SORT1: variants seen among roughly 807,000 people sequenced by gnomAD.
The protein encoded by SORT1 is sortilin 1.
A neutral mutation model predicts 101.7 loss-of-function variants in SORT1; 39 were observed. That is an observed-to-expected ratio of 0.38 (90% CI 0.30 to 0.50). SORT1 has a LOEUF of 0.50. Among genes scored for constraint, SORT1 ranks in the 20% least tolerant of loss-of-function variants. The pLI is 0.90. For missense variants in SORT1, 878 were observed against 1,040.4 expected (o/e 0.84, Z 2.15); for synonymous variants, 396 against 393.7 (o/e 1.01, Z -0.07).
At chr1:109,355,955 T>A (rs1010539029) in intron 3 of SORT1, among the ~76,000 whole-genome samples, 6 of 151,896 alleles carry the variant, frequency 4.0e-5, no homozygotes, top group Non-Finnish European at 2.9e-5. Context: ...AGCTCAGTGG[T>A]GCAATTCCCA....
chr1:109,357,622 G>A (rs1418490456), intron 3 of SORT1, among the ~76,000 whole-genome samples: 1 of 152,102 alleles, frequency 6.6e-6, no homozygotes, highest in Non-Finnish European at 1.5e-5. Flanking sequence ...TCTTGCTGGG[G>A]GCTTATGACC....
At chr1:109,328,444 T>C (rs1005103469) in intron 11 of SORT1, among the ~76,000 whole-genome samples, 24 of 152,238 alleles carry the variant, frequency 1.6e-4, no homozygotes, top group Non-Finnish European at 3.1e-4. Flanking sequence ...AGATACCTCA[T>C]TGTGGTTTTG....
intron 1 of SORT1, among the ~76,000 whole-genome samples, chr1:109,387,749 AAG>A (rs1652660531): frequency 2.0e-5 from 3 of 152,078 alleles, no homozygotes; most frequent in Non-Finnish European, 4.4e-5. Flanking sequence ...TCAGGAGTTT[AAG>A]ACCAGCCTGG....
Position 109,354,423 on chromosome 1 carries a change from T to A in SORT1, c.652A>T (p.Thr218Ser). The A allele has an allele frequency of 4.3e-6, 7 of 1,613,384 alleles. No homozygotes were observed. Among genetic ancestry groups the A allele is most frequent in the Non-Finnish European group, 5.9e-6 (7 of 1,179,432 alleles). The change falls in exon 5 of 20, where the codon ACT (threonine) becomes TCT (serine). Residue 218 changes from threonine (T) to serine (S), a missense_variant. This residue lies in a region of SORT1 where 684 missense variants were observed against 894.5 expected (regional missense o/e 0.76). Transcript: ENST00000256637. The part of the protein sequence containing the change: ...VQTDLPFHPL[T>S]QMMYSPQNSD... Reference sequence around the variant, plus strand: ...TTCTGAGGGCTATACATCATCTGAGTGAGAGGATGAAAAGGGAGATCTGTT... The same window carrying A: ...TTCTGAGGGCTATACATCATCTGAGAGAGAGGATGAAAAGGGAGATCTGTT...
chr1:109,351,309 A>G (rs1342546000), intron 5 of SORT1, among the ~76,000 whole-genome samples: 3 of 152,240 alleles, frequency 2.0e-5, no homozygotes, highest in Non-Finnish European at 4.4e-5. Context: ...ACAGTTTAAC[A>G]AGGCGCATAG....
intron 5 of SORT1, among the ~76,000 whole-genome samples, chr1:109,353,328 CAAAAAAAAAAAAAAA>C (rs1228771965): frequency 6.6e-5 from 4 of 61,056 alleles, no homozygotes; most frequent in African/African-American, 2.8e-4. Flanking sequence ...AACTCTGTCT[CAAAAAAAAAAAAAAA>C]AAAAAAAACA....
Position 109,340,877 on chromosome 1 carries a change from T to C in SORT1, c.1111A>G (p.Thr371Ala). Residue 371 changes from threonine (T) to alanine (A), a missense_variant and splice_region_variant, in exon 10 of 20, where the codon ACT becomes GCT. Around this residue, in one of 2 missense-constraint regions of SORT1, gnomAD observed 684 missense variants for 894.5 expected, o/e 0.76. Transcript: ENST00000256637. ...VFMHVDEPGD[T>A]GFGTIFTSDD... ...GAGGTAAAGATTGTGCCAAACCCAG[T>C]GTCTGAAATAGGCAAACAAACAAAA... 1 of 1,608,514 alleles carries C rather than the reference T, an allele frequency of 6.2e-7. No homozygotes were observed. The highest frequency in any genetic ancestry group is 8.5e-7 in the Non-Finnish European group (1 of 1,176,544).
At chr1:109,375,397 G>T (rs11102977) in intron 1 of SORT1, among the ~76,000 whole-genome samples, 6 of 151,944 alleles carry the variant, frequency 3.9e-5, no homozygotes, top group Non-Finnish European at 8.8e-5. Context: ...CAAAAAATTC[G>T]CCGGGCGAGG....
rs369090866 is a variant in SORT1 at position 109,338,361 on chromosome 1, G to A, written c.1265-2015C>T. Reference sequence around the variant, plus strand: ...AGGTGAGTCAGGGAGGAAACCGGGAGCCATATCTCCAGGACTTTGTAGGCC... The same window carrying A: ...AGGTGAGTCAGGGAGGAAACCGGGAACCATATCTCCAGGACTTTGTAGGCC... On this transcript the variant is annotated intron_variant, in intron 10 of 19. Coordinates refer to ENST00000256637, the MANE Select transcript of SORT1 (RefSeq NM_002959.7). 3.3e-5 allele frequency among the ~76,000 whole-genome samples: 5 copies of A among 152,164 alleles called. No individual in the cohort carries two copies. The South Asian group carries it at 1.0e-3, about 32-fold the overall frequency.
At chr1:109,373,084 A>C (rs1031251954) in intron 1 of SORT1, among the ~76,000 whole-genome samples, 5 of 152,082 alleles carry the variant, frequency 3.3e-5, no homozygotes, top group African/African-American at 7.2e-5. Context: ...AAAAAAACCC[A>C]AAACGACAGA....
intron 1 of SORT1, among the ~76,000 whole-genome samples, chr1:109,380,647 T>C (rs1387923559): frequency 4.0e-5 from 6 of 151,542 alleles, no homozygotes; most frequent in Middle Eastern, 6.9e-3. Context: ...GACAAAGAAA[T>C]GGCCAATAAA....
chr1:109,340,938 A>G (rs1649179368), intron 9 of SORT1, 59 bp from the exon 10 acceptor site: 5 of 1,390,828 alleles, frequency 3.6e-6, no homozygotes, highest in Non-Finnish European at 4.8e-6. Flanking sequence ...GAGAAAAACA[A>G]TAGTCTAACC....
intron 10 of SORT1, among the ~76,000 whole-genome samples, chr1:109,338,794 G>T (rs890217111): frequency 1.3e-5 from 2 of 151,980 alleles, no homozygotes; most frequent in African/African-American, 4.8e-5. Context: ...GTCTGTCCCT[G>T]CTGGACTGTC....
At chr1:109,360,769 G>C (rs1037032304) in intron 3 of SORT1, among the ~76,000 whole-genome samples, 4 of 152,200 alleles carry the variant, frequency 2.6e-5, no homozygotes, top group Non-Finnish European at 4.4e-5. Context: ...TGCCAGAAAG[G>C]GGGTAGGCCC....
In SORT1 at chr1:109,328,116, C is replaced by G. The variant is rs567878523; in HGVS notation, c.1372-515G>C. 7.2e-5 allele frequency among the ~76,000 whole-genome samples: 11 copies of G among 152,228 alleles called. No homozygotes were observed. In the South Asian group the frequency reaches 2.1e-3, roughly 29 times the overall value. On this transcript the variant is annotated intron_variant, in intron 11 of 19. Transcript: ENST00000256637. ...GTGTGTATCTGTATCCACACACACCCCACACTTTATTTACTCATTTATCTG... is the reference window on the plus strand; with the variant it reads ...GTGTGTATCTGTATCCACACACACCGCACACTTTATTTACTCATTTATCTG...
intron 15 of SORT1, 65 bp from the exon 16 acceptor site, chr1:109,318,034 G>C (rs1278971260): frequency 9.9e-7 from 1 of 1,013,068 alleles, no homozygotes; most frequent in Non-Finnish European, 1.6e-6. Flanking sequence ...GACTAGCAAT[G>C]AAGGGTTATG....
At chr1:109,324,358 G>A (rs974585458) in intron 14 of SORT1, among the ~76,000 whole-genome samples, 2 of 152,084 alleles carry the variant, frequency 1.3e-5, no homozygotes, top group African/African-American at 4.8e-5. Context: ...GGCTGGTTTC[G>A]AACTCCTGAC....
chr1:109,390,828 G>A (rs56072034), intron 1 of SORT1, among the ~76,000 whole-genome samples: 2,658 of 151,576 alleles, frequency 0.018, 45 homozygotes, highest in South Asian at 0.039. Context: ...CATACAGGAA[G>A]ACTAAAATGC....
intron 1 of SORT1, among the ~76,000 whole-genome samples, chr1:109,382,178 C>G (rs1652288260): frequency 6.6e-6 from 1 of 152,134 alleles, no homozygotes; most frequent in African/African-American, 2.4e-5. Context: ...CTCTGTTGCC[C>G]AGGCTGGAGT....
Sources: gnomAD v4.1 joint callset for allele counts (sites outside exome capture counted in the v4.1 genomes callset) on GRCh38, gnomAD v4.1.1 for gene constraint, gnomAD v4.1.1 regional missense constraint, MANE v1.5 for transcripts, NCBI Gene and HGNC (gene_info 2026-07-23, HGNC 2026-07-21) for gene names.